The following GTF2IRD1 variants were observed in gnomAD, a reference collection of about 807,000 sequenced individuals.
GTF2IRD1 encodes general transcription factor II-I repeat domain-containing protein 1.
In GTF2IRD1, 26 loss-of-function variants were observed where a neutral mutation model predicts 113.2. The ratio of observed to expected loss-of-function variants is 0.23; its 90% CI spans 0.17 to 0.32. GTF2IRD1 has a LOEUF of 0.32. GTF2IRD1 is among the 10% of genes least tolerant of loss of function. The probability of loss-of-function intolerance (pLI) is 1.00; values close to 1 mark genes in which losing one functional copy is unlikely to be tolerated. For synonymous variants in GTF2IRD1, 484 were observed against 529.1 expected (o/e 0.91, Z 1.17); for missense variants, 864 against 1,280.8 (o/e 0.67, Z 4.97).
At position 74,574,750 on chromosome 7, in the gene GTF2IRD1, C is replaced by T. The variant is rs118144695; in HGVS notation, c.2320+15095C>T. 3.3e-3 allele frequency among the ~76,000 whole-genome samples: 495 copies of T among 151,108 alleles called. 2 individuals are homozygous for T. Among genetic ancestry groups the T allele is most frequent in the Non-Finnish European group, 5.2e-3 (351 of 67,824 alleles). On this transcript the variant is annotated intron_variant, in intron 22 of 26. Coordinates refer to ENST00000424337, the MANE Select transcript of GTF2IRD1 (RefSeq NM_005685.4). ...TACTGGGATTACAGATGTGAGCCACCGTGCCCGGCCTATGCTGGACTTTTA... is the reference window on the plus strand; with the variant it reads ...TACTGGGATTACAGATGTGAGCCACTGTGCCCGGCCTATGCTGGACTTTTA...
intron 22 of GTF2IRD1, among the ~76,000 whole-genome samples, chr7:74,566,006 A>AACACAC (rs66556824): frequency 0.037 from 5,345 of 143,148 alleles, 134 homozygotes; most frequent in Non-Finnish European, 0.046. Flanking sequence ...AAGACACACA[A>AACACAC]ACACACACAC....
intron 24 of GTF2IRD1, among the ~76,000 whole-genome samples, chr7:74,591,432 G>A (rs1483641319): frequency 2.2e-5 from 3 of 133,674 alleles, no homozygotes; most frequent in Non-Finnish European, 4.6e-5. Flanking sequence ...AGTCTGGAGT[G>A]CAGTGGCACG....
chr7:74,528,833 GGA>G lies in GTF2IRD1; in HGVS notation c.1091-900_1091-899del, dbSNP rs1554347871. Among the ~76,000 whole-genome samples, 3 of 150,594 alleles carry G rather than the reference GGA, an allele frequency of 2.0e-5. No individual in the cohort carries two copies. The East Asian group carries it at 5.9e-4, about 30-fold the overall frequency. On this transcript the variant is annotated intron_variant, in intron 8 of 26. Coordinates refer to ENST00000424337, the MANE Select transcript of GTF2IRD1 (RefSeq NM_005685.4). ...TGGATGGATGGATGGATGGATGGAT[GGA>G]TGGATGGATGAAAGGATGGATGGAT...
At chr7:74,503,009 A>G (rs552280383) in intron 1 of GTF2IRD1, among the ~76,000 whole-genome samples, 1 of 152,174 alleles carries the variant, frequency 6.6e-6, no homozygotes, top group East Asian at 1.9e-4. Context: ...TCTACTAATA[A>G]TACAAAAATT....
intron 1 of GTF2IRD1, among the ~76,000 whole-genome samples, chr7:74,493,110 CTT>C (rs60137731): frequency 6.0e-4 from 80 of 134,086 alleles, no homozygotes; most frequent in Admixed American, 6.1e-4. Context: ...TCTTCTTCTT[CTT>C]TTTTTTTTTT....
At chr7:74,537,153 T>C (rs1241082879) in intron 11 of GTF2IRD1, among the ~76,000 whole-genome samples, 11 of 151,710 alleles carry the variant, frequency 7.3e-5, no homozygotes, top group African/African-American at 2.2e-4. Context: ...CTCACGCCTG[T>C]AATCCCAGCA....
chr7:74,528,820 TGGATGGATGGATGGATGGATGGATGAAA>T (rs1797770147), intron 8 of GTF2IRD1, among the ~76,000 whole-genome samples: 3 of 143,710 alleles, frequency 2.1e-5, no homozygotes, highest in East Asian at 4.2e-4. Context: ...GATGGATGGA[TGGATGGATGGATGGATGGATGGATGAAA>T]GGATGGATGG....
intron 24 of GTF2IRD1, 66 bp from the exon 25 acceptor site, chr7:74,594,948 T>A: frequency 8.5e-7 from 1 of 1,177,492 alleles, no homozygotes; most frequent in Non-Finnish European, 1.2e-6. Flanking sequence ...TGAGACTCCA[T>A]CTCAAAAAAA....
At chr7:74,587,867 G>C (rs1400625252) in intron 22 of GTF2IRD1, among the ~76,000 whole-genome samples, 2 of 152,096 alleles carry the variant, frequency 1.3e-5, no homozygotes, top group African/African-American at 4.8e-5. Context: ...CAGATAGGCC[G>C]TGACGGTTAC....
intron 1 of GTF2IRD1, among the ~76,000 whole-genome samples, chr7:74,455,880 G>A (rs992673032): frequency 2.0e-5 from 3 of 152,174 alleles, no homozygotes; most frequent in African/African-American, 7.2e-5. Context: ...TTGAAACTCC[G>A]CAGCCACTCA....
chr7:74,599,549 C>G (rs1429865457), intron 25 of GTF2IRD1, among the ~76,000 whole-genome samples: 4 of 152,084 alleles, frequency 2.6e-5, no homozygotes, highest in Non-Finnish European at 5.9e-5. Flanking sequence ...AGTAAGTGGC[C>G]ACAGTGAAAT....
intron 1 of GTF2IRD1, among the ~76,000 whole-genome samples, chr7:74,476,366 C>CTTTTTTTTTTTTTTTTTTTTTT (rs61151844): frequency 2.5e-5 from 3 of 122,164 alleles, no homozygotes; most frequent in Non-Finnish European, 1.6e-5. Context: ...TCTGAACCTC[C>CTTTTTTTTTTTTTTTTTTTTTT]TTTTTTTTTT....
At chr7:74,534,806 G>C (rs1382408195) in intron 9 of GTF2IRD1, among the ~76,000 whole-genome samples, 1 of 151,558 alleles carries the variant, frequency 6.6e-6, no homozygotes, top group Non-Finnish European at 1.5e-5. Context: ...AGGAGGCTGA[G>C]GCAGAAGAAT....
intron 22 of GTF2IRD1, among the ~76,000 whole-genome samples, chr7:74,564,185 C>G (rs1800151506): frequency 6.6e-6 from 1 of 152,116 alleles, no homozygotes; most frequent in Admixed American, 6.6e-5. Flanking sequence ...CACCATGACA[C>G]TCGGCTAATT....
chr7:74,456,499 T>A (rs1477961024), intron 1 of GTF2IRD1, among the ~76,000 whole-genome samples: 1 of 152,028 alleles, frequency 6.6e-6, no homozygotes, highest in Non-Finnish European at 1.5e-5. Context: ...CTGGCCAACA[T>A]GGTGAAACCC....
In GTF2IRD1 at chr7:74,512,755, C is replaced by G; in HGVS notation, c.124-75C>G. 2 of 1,438,914 alleles carry G rather than the reference C, an allele frequency of 1.4e-6. No homozygotes were observed. The highest frequency in any genetic ancestry group is 9.5e-7 in the Non-Finnish European group (1 of 1,047,960). The allele number at this position is 1,438,914 out of a possible 1,614,324, so 89.1% of individuals were successfully genotyped here. A position where few individuals can be genotyped will look rare whatever the true frequency, so the allele number is the denominator to read the frequency against. On this transcript the variant is annotated intron_variant, in intron 2 of 26. Transcript: ENST00000424337. The surrounding 1 kb of genome is among the most constrained non-coding windows in gnomAD (Gnocchi z 4.4). ...CTCAGGCAGCTGGGAGCTCACATCCCACCCCCGAAGTGGATACTAGAGGTG... is the reference window on the plus strand; with the variant it reads ...CTCAGGCAGCTGGGAGCTCACATCCGACCCCCGAAGTGGATACTAGAGGTG...
chr7:74,509,401 C>T (rs529126151), intron 2 of GTF2IRD1, among the ~76,000 whole-genome samples: 21 of 151,324 alleles, frequency 1.4e-4, no homozygotes, highest in African/African-American at 5.1e-4. Flanking sequence ...GGCATGGTGG[C>T]ACATTCCTGT....
chr7:74,557,505 TG>T, intron 19 of GTF2IRD1, 133 bp from the exon 20 acceptor site: 1 of 616,726 alleles, frequency 1.6e-6, no homozygotes, highest in East Asian at 2.8e-5. Context: ...CTGAAGGACC[TG>T]AGGGGCCCAC....
chr7:74,483,696 C>T (rs897250080), intron 1 of GTF2IRD1, among the ~76,000 whole-genome samples: 2 of 151,914 alleles, frequency 1.3e-5, no homozygotes, highest in Non-Finnish European at 2.9e-5. Flanking sequence ...GGTGACAGAG[C>T]GAGACTCCAT....
Sources: allele counts gnomAD v4.1 joint callset (sites outside exome capture counted in the v4.1 genomes callset), GRCh38; gene constraint gnomAD v4.1.1; non-coding constraint Gnocchi (gnomAD v3.1); transcripts MANE v1.5; gene names NCBI Gene and HGNC (gene_info 2026-07-23, HGNC 2026-07-21).